MEGF8: variants seen among roughly 807,000 people sequenced by gnomAD.
MEGF8 encodes the protein multiple EGF like domains 8.
In MEGF8, 156 loss-of-function variants were observed where a neutral mutation model predicts 302.9. The ratio of observed to expected loss-of-function variants is 0.52; its 90% CI spans 0.45 to 0.59. MEGF8 has a LOEUF of 0.59. MEGF8 is among the 20% of genes least tolerant of loss of function. The probability of loss-of-function intolerance (pLI) is 0.00; values close to 1 mark genes in which losing one functional copy is unlikely to be tolerated. For missense variants in MEGF8, 3,345 were observed against 3,964.5 expected, an observed-to-expected ratio of 0.84 and a Z score of 4.20; for synonymous variants, 1,621 against 1,660.5, an observed-to-expected ratio of 0.98 and a Z score of 0.58.
At position 42,353,779 on chromosome 19, in the gene MEGF8, G is replaced by A. The variant is rs763633644; in HGVS notation, c.3766G>A (p.Gly1256Ser). The A allele has an allele frequency of 2.5e-5, 40 of 1,597,146 alleles. No individual in the cohort carries two copies. Among genetic ancestry groups the A allele is most frequent in the South Asian group, 1.6e-4 (14 of 89,130 alleles). The change falls in exon 22 of 42, where the codon GGT becomes AGT. Residue 1256 changes from glycine (G) to serine (S), a missense_variant. Gly to Ser is a moderately conservative substitution (Grantham distance 56). Coordinates refer to ENST00000251268, the MANE Select transcript of MEGF8 (RefSeq NM_001271938.2). The surrounding 1 kb of genome is among the most constrained non-coding windows in gnomAD (Gnocchi z 6.1). ...SPGYYGDPRA[G>S]GSCFRECGGR... ...GGCTCTTCTCCATCTCCCCAGGGCC[G>A]GTGGTTCCTGCTTTCGGGAGTGTGG...
Position 42,326,316 on chromosome 19 carries a change from G to T in MEGF8, c.73G>T (p.Ala25Ser). The part of the protein sequence containing the change: ...LAVLGSLSPG[A>S]RAGDCKGQRQ... ...CGTGCTGGGGTCGCTGTCCCCTGGG[G>T]CCCGGGCGGGGGACTGCAAGGGGCA... is the stretch of plus-strand genomic sequence containing the variant. The change falls in exon 1 of 42, where the codon GCC becomes TCC. Residue 25 changes from alanine (A) to serine (S), a missense_variant. Physicochemically the swap from Ala to Ser is moderately conservative, Grantham distance 99 (BLOSUM62 1). Coordinates refer to ENST00000251268, the MANE Select transcript of MEGF8 (RefSeq NM_001271938.2). 5 of 1,565,854 alleles carry T rather than the reference G, an allele frequency of 3.2e-6. No individual in the cohort carries two copies. Among genetic ancestry groups the T allele is most frequent in the Middle Eastern group, 1.7e-4 (1 of 5,884 alleles).
Position 42,333,745 on chromosome 19 carries a change from C to G in MEGF8, c.328C>G (p.Pro110Ala). Residue 110 changes from proline (P) to alanine (A), a missense_variant, in exon 2 of 42, where the codon CCC (proline) becomes GCC (alanine). Pro to Ala is a conservative substitution (Grantham distance 27). Transcript: ENST00000251268. ...ASLSGSTRPP[P>A]IEASSGKMLL... ...TCTAAGTGGGAGCACCCGACCTCCG[C>G]CCATCGAAGCTTCCTCAGGCAAGGT... 1 of 1,613,928 alleles carries G rather than the reference C, an allele frequency of 6.2e-7. No individual in the cohort carries two copies. The highest frequency in any genetic ancestry group is 8.5e-7 in the Non-Finnish European group (1 of 1,179,860).
intron 3 of MEGF8, 49 bp from the exon 4 acceptor site, chr19:42,334,986 C>T (rs1270856460): frequency 1.9e-6 from 3 of 1,551,736 alleles, no homozygotes; most frequent in Non-Finnish European, 2.6e-6. Flanking sequence ...GTCTCTCTGT[C>T]CTTGTCTCTC....
chr19:42,333,925 T>C, intron 2 of MEGF8, 82 bp from the exon 3 acceptor site: 3 of 1,519,680 alleles, frequency 2.0e-6, no homozygotes, highest in Non-Finnish European at 2.7e-6. Context: ...TCCCCCAGGG[T>C]GGAAGGGGGC....
intron 35 of MEGF8, among the ~76,000 whole-genome samples, chr19:42,366,515 A>C (rs566905084): frequency 1.3e-5 from 2 of 152,126 alleles, no homozygotes; most frequent in East Asian, 3.9e-4. Context: ...TGTTCTTTTT[A>C]ATGGCTTTGG....
intron 9 of MEGF8, 61 bp from the exon 10 acceptor site, chr19:42,343,893 G>T: frequency 3.2e-6 from 5 of 1,579,166 alleles, no homozygotes; most frequent in Non-Finnish European, 3.4e-6. Flanking sequence ...GCCGGCCCAG[G>T]TCTGAGAGGC....
intron 2 of MEGF8, 87 bp from the exon 3 acceptor site, chr19:42,333,920 C>T (rs1044778896): frequency 2.4e-5 from 36 of 1,524,250 alleles, no homozygotes; most frequent in Non-Finnish European, 3.1e-5. Context: ...CTGGGTCCCC[C>T]AGGGTGGAAG....
intron 3 of MEGF8, 92 bp from the exon 4 acceptor site, chr19:42,334,943 C>A: frequency 7.7e-7 from 1 of 1,293,876 alleles, no homozygotes; most frequent in Non-Finnish European, 1.0e-6. Flanking sequence ...CTGTCTGTCT[C>A]ATTCTGCCTC....
chr19:42,362,168 G>T lies in MEGF8; in HGVS notation c.5799G>T (p.Glu1933Asp). 1 of 1,610,988 alleles carries T rather than the reference G, an allele frequency of 6.2e-7. No individual in the cohort carries two copies. Among genetic ancestry groups the T allele is most frequent in the African/African-American group, 1.3e-5 (1 of 74,986 alleles). Reference sequence around the variant, plus strand: ...GTCGACGTCTCCGGACCTGCAGTGAGTGCCTGGCCCGCCATCCTCGGACCC... The same window carrying T: ...GTCGACGTCTCCGGACCTGCAGTGATTGCCTGGCCCGCCATCCTCGGACCC... ...EECRRLRTCS[E>D]CLARHPRTLQ... Residue 1933 changes from glutamate (E) to aspartate (D), a missense_variant, in exon 33 of 42, where the codon GAG becomes GAT. Transcript: ENST00000251268.
Position 42,356,338 on chromosome 19 carries a change from A to G in MEGF8, c.4507A>G (p.Thr1503Ala), listed in dbSNP as rs1422082418. Reference protein sequence around the residue: ...TLMDSRLSADTASRFLHRLGH... With the variant: ...TLMDSRLSADAASRFLHRLGH... Reference sequence around the variant, plus strand: ...CAATGTCCGCACCCACCCCTAGGACACTGCCAGCCGCTTCCTGCACCGCCT... The same window carrying G: ...CAATGTCCGCACCCACCCCTAGGACGCTGCCAGCCGCTTCCTGCACCGCCT... The change falls in exon 26 of 42, where the codon ACT becomes GCT. Residue 1503 changes from threonine to alanine, a missense_variant. Coordinates refer to ENST00000251268, the MANE Select transcript of MEGF8 (RefSeq NM_001271938.2). This position sits in a 1 kb window ranked among gnomAD's most constrained non-coding sequence, Gnocchi z 5.2. The G allele has an allele frequency of 6.2e-7, 1 of 1,611,618 alleles. No homozygotes were observed. The highest frequency in any genetic ancestry group is 1.3e-5 in the African/African-American group (1 of 74,848).
Position 42,353,512 on chromosome 19 carries a change from G to C in MEGF8, c.3598G>C (p.Gly1200Arg), listed in dbSNP as rs374935528. The change falls in exon 21 of 42, where the codon GGC becomes CGC. Residue 1200 changes from glycine to arginine, a missense_variant. Physicochemically the swap from Gly to Arg is moderately radical, Grantham distance 125. Transcript: ENST00000251268. The surrounding 1 kb of genome is among the most constrained non-coding windows in gnomAD (Gnocchi z 6.1). ...HCERCRPGSFGNATGSRGCRP... is the reference protein window; with the variant it reads ...HCERCRPGSFRNATGSRGCRP... ...CGAACGATGCCGGCCCGGCAGCTTC[G>C]GCAACGCCACAGGCTCTAGGGGCTG... is the stretch of plus-strand genomic sequence containing the variant. The C allele has an allele frequency of 1.2e-4, 191 of 1,610,214 alleles. 1 individual carries two copies. The highest frequency in any genetic ancestry group is 1.4e-4 in the Non-Finnish European group (170 of 1,179,032).
intron 12 of MEGF8, among the ~76,000 whole-genome samples, chr19:42,345,925 G>GTC (rs1383202261): frequency 6.6e-6 from 1 of 152,102 alleles, no homozygotes; most frequent in African/African-American, 2.4e-5. Flanking sequence ...TTGAGACAGA[G>GTC]TCTCTCTCTC....
At chr19:42,364,882 G>A (rs1178794519) in intron 35 of MEGF8, among the ~76,000 whole-genome samples, 1 of 152,218 alleles carries the variant, frequency 6.6e-6, no homozygotes, top group African/African-American at 2.4e-5. Flanking sequence ...AGAGCATAGA[G>A]CAATGCCTGC....
chr19:42,359,793 A>G (rs974585713), intron 31 of MEGF8, among the ~76,000 whole-genome samples: 1 of 151,266 alleles, frequency 6.6e-6, no homozygotes, highest in African/African-American at 2.4e-5. Context: ...CAAGCAAGCA[A>G]TCCTCCCTCC....
At position 42,353,017 on chromosome 19, in the gene MEGF8, C is replaced by G; in HGVS notation, c.3440C>G (p.Pro1147Arg). The G allele has an allele frequency of 6.4e-7, 1 of 1,564,158 alleles. No individual in the cohort carries two copies. The highest frequency in any genetic ancestry group is 8.7e-7 in the Non-Finnish European group (1 of 1,154,650). ...CTAGGCTGGACATCAGACCTGCCCC[C>G]TCCCACACCCGCCCCGGGTCCGCCA... ...CDLGWTSDLP[P>R]PTPAPGPPAP... Residue 1147 changes from proline to arginine, a missense_variant, in exon 20 of 42, where the codon CCT becomes CGT. By Grantham distance (103) the Pro-to-Arg change is moderately radical. Coordinates refer to ENST00000251268, the MANE Select transcript of MEGF8 (RefSeq NM_001271938.2). The surrounding 1 kb of genome is among the most constrained non-coding windows in gnomAD (Gnocchi z 6.1).
chr19:42,336,750 G>C lies in MEGF8; in HGVS notation c.1245-57G>C. ...TGATCACATGGCTCCTAAGAGCCTG[G>C]AGGAGGGAGAGAGACGCTTCCTGCC... On this transcript the variant is annotated intron_variant, in intron 6 of 41. Transcript: ENST00000251268. This position sits in a 1 kb window ranked among gnomAD's most constrained non-coding sequence, Gnocchi z 4.8. 1 of 1,524,408 alleles carries C rather than the reference G, an allele frequency of 6.6e-7. No individual in the cohort carries two copies. The highest frequency in any genetic ancestry group is 8.8e-7 in the Non-Finnish European group (1 of 1,137,912). The allele number at this position is 1,524,408 out of a possible 1,614,324, so 94.4% of individuals were successfully genotyped here. A position where few individuals can be genotyped will look rare whatever the true frequency, so the allele number is the denominator to read the frequency against.
chr19:42,346,264 G>T (rs748130824), intron 12 of MEGF8, among the ~76,000 whole-genome samples: 3 of 152,166 alleles, frequency 2.0e-5, no homozygotes, highest in Non-Finnish European at 4.4e-5. Context: ...GACATCAAAA[G>T]TCATTGGGGC....
chr19:42,375,879 G>A lies in MEGF8; in HGVS notation c.7642G>A (p.Asp2548Asn). The change falls in exon 42 of 42, where the codon GAT becomes AAT. Residue 2548 changes from aspartate to asparagine, a missense_variant. Asp to Asn is a conservative substitution (Grantham distance 23). Transcript: ENST00000251268. This position sits in a 1 kb window ranked among gnomAD's most constrained non-coding sequence, Gnocchi z 7.1. ...AGATGGTGGGCCCCGGGGGGCTGGGGATCCAGGAGGAGCAGGGGCCAGCAG... is the reference window on the plus strand; with the variant it reads ...AGATGGTGGGCCCCGGGGGGCTGGGAATCCAGGAGGAGCAGGGGCCAGCAG... ...PADGGPRGAG[D>N]PGGAGASSGP... 6.2e-7 allele frequency: 1 copy of A among 1,605,538 alleles called. No individual in the cohort carries two copies. The highest frequency in any genetic ancestry group is 8.5e-7 in the Non-Finnish European group (1 of 1,176,100).
Position 42,360,953 on chromosome 19 carries a change from TG to T in MEGF8, c.5671del (p.Ala1891ProfsTer152), listed in dbSNP as rs1313168493. On this transcript the variant is annotated frameshift_variant, in exon 32 of 42. Transcript: ENST00000251268. LOFTEE classifies it high-confidence loss of function. ...CCTCACCTGAAGCTTGTAACCAGTC[TG>T]GGGCCTGCACCTGGTGCCATGGGGC... Reference protein sequence around the residue: ...LSSPEACNQSGACTWCHGACL... With the variant: ...LSSPEACNQSXACTWCHGACL... The T allele has an allele frequency of 6.3e-7, 1 of 1,595,534 alleles. No homozygotes were observed. Among genetic ancestry groups the T allele is most frequent in the African/African-American group, 1.3e-5 (1 of 74,572 alleles).
Sources: gnomAD v4.1 joint callset for allele counts (sites outside exome capture counted in the v4.1 genomes callset) on GRCh38, gnomAD v4.1.1 for gene constraint, Gnocchi (gnomAD v3.1) non-coding constraint, MANE v1.5 for transcripts, NCBI Gene and HGNC (gene_info 2026-07-23, HGNC 2026-07-21) for gene names.